TAF1B: variants seen among roughly 807,000 people sequenced by gnomAD.
TAF1B encodes TATA box-binding protein-associated factor RNA polymerase I subunit B.
Under a neutral mutation model 83.9 loss-of-function variants are expected in TAF1B, and 61 were observed. The observed-to-expected ratio is 0.73, with a 90% CI of 0.59 to 0.90. The LOEUF (loss-of-function observed/expected upper bound fraction) is 0.90. TAF1B is among the 40% of genes least tolerant of loss of function. The pLI is 0.00. For missense variants in TAF1B, 625 were observed against 677.0 expected (o/e 0.92, Z 0.85); for synonymous variants, 221 against 224.6 (o/e 0.98, Z 0.14).
At chr2:9,892,324 C>T (rs952239839) in intron 8 of TAF1B, among the ~76,000 whole-genome samples, 1 of 152,104 alleles carries the variant, frequency 6.6e-6, no homozygotes, top group Non-Finnish European at 1.5e-5. Context: ...ATGAAATTAC[C>T]CAATGATGCA....
intron 7 of TAF1B, among the ~76,000 whole-genome samples, chr2:9,880,562 C>G (rs1489641454): frequency 6.6e-6 from 1 of 150,384 alleles, no homozygotes. Context: ...ATTTCTGCTT[C>G]CCCTAGTCAG....
At chr2:9,909,311 T>G (rs555123785) in intron 9 of TAF1B, among the ~76,000 whole-genome samples, 1 of 152,324 alleles carries the variant, frequency 6.6e-6, no homozygotes, top group East Asian at 1.9e-4. Flanking sequence ...GGACATCTGC[T>G]TTAGCACTCA....
At chr2:9,875,534 G>A (rs1664297496) in intron 6 of TAF1B, among the ~76,000 whole-genome samples, 1 of 152,172 alleles carries the variant, frequency 6.6e-6, no homozygotes, top group African/African-American at 2.4e-5. Flanking sequence ...GGTAGAAGGT[G>A]AAGGAGAAGC....
intron 12 of TAF1B, among the ~76,000 whole-genome samples, chr2:9,916,055 C>T (rs1228354176): frequency 6.6e-6 from 1 of 152,162 alleles, no homozygotes; most frequent in Non-Finnish European, 1.5e-5. Flanking sequence ...CAGTAGTTGC[C>T]TGAGATCAAG....
chr2:9,920,593 T>G lies in TAF1B; in HGVS notation c.1565+773T>G, dbSNP rs953946394. Among the ~76,000 whole-genome samples, 134 of 141,202 alleles carry G rather than the reference T, an allele frequency of 9.5e-4. 1 individual carries two copies. Among genetic ancestry groups the G allele is most frequent in the African/African-American group, 3.0e-3 (114 of 37,500 alleles). 92.6% of individuals were successfully genotyped at this position (141,202 alleles called of 152,430 possible). On this transcript the variant is annotated intron_variant, in intron 14 of 14. Transcript: ENST00000263663. ...GTAGACTGGGGCGGGGGGCGGGGGG[T>G]CCATTTGCCCCTCAGGTGTTAATAG...
intron 14 of TAF1B, among the ~76,000 whole-genome samples, chr2:9,930,183 C>T (rs1666169302): frequency 1.3e-5 from 2 of 151,624 alleles, no homozygotes; most frequent in African/African-American, 4.8e-5. Context: ...TCCTTCAGTT[C>T]TCCTCTGATC....
intron 7 of TAF1B, among the ~76,000 whole-genome samples, chr2:9,880,007 G>C (rs141703595): frequency 0.012 from 1,853 of 152,262 alleles, 43 homozygotes; most frequent in African/African-American, 0.042. Context: ...CATTCAGGCA[G>C]CTGTGGAAAA....
chr2:9,855,763 A>G (rs1374985769), intron 5 of TAF1B, among the ~76,000 whole-genome samples: 1 of 152,244 alleles, frequency 6.6e-6, no homozygotes, highest in Non-Finnish European at 1.5e-5. Context: ...CATGCTCAGG[A>G]CACTTACATT....
In TAF1B at chr2:9,911,537, A is replaced by C. The variant is rs528962995; in HGVS notation, c.1160A>C (p.His387Pro). 1.3e-6 allele frequency: 2 copies of C among 1,525,862 alleles called. No individual in the cohort carries two copies. The highest frequency in any genetic ancestry group is 2.5e-5 in the South Asian group (2 of 80,788). 94.5% of individuals were successfully genotyped at this position (1,525,862 alleles called of 1,614,324 possible). A position where few individuals can be genotyped will look rare whatever the true frequency, so the allele number is the denominator to read the frequency against. The stretch of plus-strand genomic sequence containing the variant: ...TCTTTGTCTAATCTTGCTGAAAAGC[A>C]TAATGAAAAGAACAAAAAAGGTATT... ...EWSLSNLAEK[H>P]NEKNKKDKPW... Residue 387 changes from histidine (H) to proline (P), a missense_variant, in exon 11 of 15, where the codon CAT becomes CCT. Coordinates refer to ENST00000263663, the MANE Select transcript of TAF1B (RefSeq NM_005680.3).
chr2:9,890,571 T>C (rs1488084581), intron 8 of TAF1B, among the ~76,000 whole-genome samples: 5 of 152,188 alleles, frequency 3.3e-5, no homozygotes, highest in Non-Finnish European at 7.3e-5. Context: ...CCTGCCCTAG[T>C]AATAATCCCT....
chr2:9,887,057 C>G (rs548045326), intron 8 of TAF1B, among the ~76,000 whole-genome samples: 2 of 140,742 alleles, frequency 1.4e-5, no homozygotes, highest in Non-Finnish European at 3.3e-5. Flanking sequence ...GAGTGAGACT[C>G]TGTCTCAAAA....
intron 4 of TAF1B, chr2:9,852,082 C>T (rs779353328): frequency 1.7e-5 from 8 of 468,000 alleles, no homozygotes; most frequent in South Asian, 9.4e-5. Context: ...TATGCTAAAC[C>T]AGTCGTTCAC....
rs533332748 is a variant in TAF1B, at chr2:9,918,928, A to G, written c.1272-113A>G. The G allele has an allele frequency of 1.1e-5, 10 of 941,520 alleles. No individual in the cohort carries two copies. In the African/African-American group the frequency reaches 1.6e-4, roughly 15 times the overall value. 58.3% of individuals were successfully genotyped at this position (941,520 alleles called of 1,614,324 possible). Reference sequence around the variant, plus strand: ...CAATATAGACATGTGCCAGTAGGCCATTCCAAGCCAGAGCTATAACGAAAT... The same window carrying G: ...CAATATAGACATGTGCCAGTAGGCCGTTCCAAGCCAGAGCTATAACGAAAT... On this transcript the variant is annotated intron_variant, in intron 12 of 14. Transcript: ENST00000263663.
chr2:9,919,520 C>A, intron 13 of TAF1B, 78 bp from the exon 14 acceptor site: 2 of 1,265,984 alleles, frequency 1.6e-6, no homozygotes, highest in South Asian at 1.3e-5. Context: ...TTGGTACATT[C>A]CTATCAAGTA....
chr2:9,852,819 A>G lies in TAF1B; in HGVS notation c.303+1181A>G, dbSNP rs1430552599. 2.0e-4 allele frequency among the ~76,000 whole-genome samples: 30 copies of G among 152,234 alleles called. 1 individual carries two copies. On this transcript the variant is annotated intron_variant, in intron 4 of 14. Transcript: ENST00000263663. ...CATAAGTGATATTAAAGGCAAAAAAAGAACAGAGAAAGATCAACATGGGCT... is the reference window on the plus strand; with the variant it reads ...CATAAGTGATATTAAAGGCAAAAAAGGAACAGAGAAAGATCAACATGGGCT...
intron 14 of TAF1B, among the ~76,000 whole-genome samples, chr2:9,922,513 G>C (rs1665906357): frequency 1.3e-5 from 2 of 152,060 alleles, no homozygotes; most frequent in Admixed American, 1.3e-4. Context: ...CTTCCTTGGA[G>C]AGATTTTTCT....
chr2:9,918,212 T>C (rs12991584), intron 12 of TAF1B, among the ~76,000 whole-genome samples: 78,263 of 152,142 alleles, frequency 0.51, 23,141 homozygotes, highest in Non-Finnish European at 0.68. Context: ...TTATGAAAGT[T>C]CTCTGCTCTA....
intron 9 of TAF1B, among the ~76,000 whole-genome samples, chr2:9,910,523 T>C (rs1665489227): frequency 6.6e-6 from 1 of 152,184 alleles, no homozygotes; most frequent in African/African-American, 2.4e-5. Context: ...AGTAGATGTT[T>C]TAGGAAGTCG....
intron 8 of TAF1B, among the ~76,000 whole-genome samples, chr2:9,888,781 T>C (rs1451329444): frequency 7.0e-6 from 1 of 143,760 alleles, no homozygotes; most frequent in African/African-American, 2.5e-5. Flanking sequence ...TTTATGTTTC[T>C]TCTGCTTGGT....
Sources: allele counts gnomAD v4.1 joint callset (sites outside exome capture counted in the v4.1 genomes callset), GRCh38; gene constraint gnomAD v4.1.1; transcripts MANE v1.5; gene names NCBI Gene and HGNC (gene_info 2026-07-23, HGNC 2026-07-21).